The following INPP4B variants were observed in gnomAD, a reference collection of about 807,000 sequenced individuals.
INPP4B encodes inositol polyphosphate-4-phosphatase type II B, also known as inositol polyphosphate 4-phosphatase type II.
A neutral mutation model predicts 122.5 loss-of-function variants in INPP4B; 55 were observed. That is an observed-to-expected ratio of 0.45 (90% CI 0.36 to 0.56). The LOEUF (loss-of-function observed/expected upper bound fraction) is 0.56. Among genes scored for constraint, INPP4B ranks in the 20% least tolerant of loss-of-function variants. INPP4B has a pLI of 0.00. For missense variants in INPP4B, 1,000 were observed against 1,097.7 expected, an observed-to-expected ratio of 0.91 and a Z score of 1.26; for synonymous variants, 403 against 388.7, an observed-to-expected ratio of 1.04 and a Z score of -0.43.
intron 2 of INPP4B, among the ~76,000 whole-genome samples, chr4:142,515,674 G>C (rs2149890773): frequency 6.6e-6 from 1 of 152,290 alleles, no homozygotes; most frequent in Non-Finnish European, 1.5e-5. Flanking sequence ...GTGGGCTTGA[G>C]CCAGAAGGCT....
rs574921378 is a variant in INPP4B, at chr4:142,028,233, T to A, written c.*549A>T. 4.4e-6 allele frequency: 1 copy of A among 227,650 alleles called. No homozygotes were observed. The highest frequency in any genetic ancestry group is 6.3e-5 in the East Asian group (1 of 15,846). 14.1% of individuals were successfully genotyped at this position (227,650 alleles called of 1,614,324 possible). A position where few individuals can be genotyped will look rare whatever the true frequency, so the allele number is the denominator to read the frequency against. On this transcript the variant is annotated 3_prime_UTR_variant, in exon 26 of 26. Transcript: ENST00000262992. ...ACCTTGACTGGATGATAGAGATCAT[T>A]GTGGAACATACCTGCAAACTGCCTC...
intron 25 of INPP4B, among the ~76,000 whole-genome samples, chr4:142,055,443 G>T (rs926558268): frequency 1.3e-5 from 2 of 152,026 alleles, no homozygotes; most frequent in African/African-American, 4.8e-5. Context: ...GCAGGTCATT[G>T]TCAAATAGGG....
chr4:142,555,870 CA>C (rs554216004), intron 2 of INPP4B, among the ~76,000 whole-genome samples: 169 of 125,584 alleles, frequency 1.3e-3, no homozygotes, highest in East Asian at 3.6e-3. Context: ...GACTCTGTCT[CA>C]AAAAAAAAAA....
intron 8 of INPP4B, among the ~76,000 whole-genome samples, chr4:142,312,348 G>A (rs1765830664): frequency 6.6e-6 from 1 of 152,106 alleles, no homozygotes; most frequent in Non-Finnish European, 1.5e-5. Flanking sequence ...TCAGAGATGT[G>A]GCTAATTTCT....
intron 2 of INPP4B, among the ~76,000 whole-genome samples, chr4:142,577,801 G>T (rs1734177188): frequency 6.6e-6 from 1 of 151,846 alleles, no homozygotes; most frequent in South Asian, 2.1e-4. Context: ...CCAATTTTTG[G>T]CTGTTGGTCA....
chr4:142,457,733 G>C (rs1169029167), intron 3 of INPP4B, among the ~76,000 whole-genome samples: 2 of 152,088 alleles, frequency 1.3e-5, no homozygotes, highest in African/African-American at 4.8e-5. Flanking sequence ...TAGTTACTTT[G>C]GGAAAATATC....
intron 2 of INPP4B, among the ~76,000 whole-genome samples, chr4:142,677,787 A>G (rs1356176444): frequency 6.6e-6 from 1 of 152,072 alleles, no homozygotes. Context: ...ATGGGGGTTG[A>G]ACAATGAGAA....
At chr4:142,030,407 A>G in intron 25 of INPP4B, 1 of 905,074 alleles carries the variant, frequency 1.1e-6, no homozygotes, top group Non-Finnish European at 1.6e-6. Flanking sequence ...ATTATCTTAC[A>G]TAACACAACT....
chr4:142,731,222 G>A (rs1225794904), intron 1 of INPP4B, among the ~76,000 whole-genome samples: 1 of 152,080 alleles, frequency 6.6e-6, no homozygotes, highest in Admixed American at 6.6e-5. Flanking sequence ...GGACATGTCA[G>A]ATGGAAAAGA....
intron 2 of INPP4B, among the ~76,000 whole-genome samples, chr4:142,703,766 G>A (rs1280794013): frequency 6.6e-6 from 1 of 152,136 alleles, no homozygotes; most frequent in African/African-American, 2.4e-5. Flanking sequence ...CCAAACTCTG[G>A]AGCATAAAGA....
intron 24 of INPP4B, among the ~76,000 whole-genome samples, chr4:142,085,704 A>G (rs1040110661): frequency 6.6e-6 from 1 of 152,214 alleles, no homozygotes; most frequent in East Asian, 1.9e-4. Context: ...TAAATTAACA[A>G]ACACATTTAT....
chr4:142,545,823 A>ATATATACACACATATATATGTGTG (rs1560782752), intron 2 of INPP4B, among the ~76,000 whole-genome samples: 35 of 59,808 alleles, frequency 5.9e-4, no homozygotes, highest in African/African-American at 1.5e-3. Flanking sequence ...ACATGTGTGT[A>ATATATACACACATATATATGTGTG]TATATATATA....
At chr4:142,245,873 CATATATATGTGTATGTAT>C in intron 11 of INPP4B, among the ~76,000 whole-genome samples, 1 of 27,148 alleles carries the variant, frequency 3.7e-5, no homozygotes, top group Admixed American at 4.3e-4. Context: ...TGTATGTATA[CATATATATGTGTATGTAT>C]ACATATATGT....
At chr4:142,156,890 AGTT>A (rs1376033485) in intron 17 of INPP4B, among the ~76,000 whole-genome samples, 2 of 152,134 alleles carry the variant, frequency 1.3e-5, no homozygotes, top group Non-Finnish European at 2.9e-5. Context: ...AGCTAAATAC[AGTT>A]GTTCAAGTCA....
In INPP4B at chr4:142,109,585, A is replaced by C. The variant is rs147727613; in HGVS notation, c.2277-1395T>G. Among the ~76,000 whole-genome samples the C allele has an allele frequency of 3.3e-3, 501 of 152,220 alleles. 3 individuals are homozygous for C. Among genetic ancestry groups the C allele is most frequent in the African/African-American group, 0.011 (470 of 41,554 alleles). On this transcript the variant is annotated intron_variant, in intron 22 of 25. Coordinates refer to ENST00000262992, the MANE Select transcript of INPP4B (RefSeq NM_001101669.3). ...ATGCCTTTGGGACTTTTAACATTCT[A>C]TCCACTCTTGACTTGAATGTCTTAC...
At chr4:142,347,330 G>C (rs1284902041) in intron 7 of INPP4B, 1 of 194,214 alleles carries the variant, frequency 5.1e-6, no homozygotes, top group African/African-American at 2.4e-5. Flanking sequence ...AAAAGTCTGA[G>C]GAGTGAGTTT....
intron 2 of INPP4B, among the ~76,000 whole-genome samples, chr4:142,606,157 CAG>C (rs910071051): frequency 4.0e-5 from 6 of 151,810 alleles, no homozygotes; most frequent in African/African-American, 1.4e-4. Flanking sequence ...GAAAGACAAA[CAG>C]TGTGTATTCT....
At chr4:142,259,670 T>G (rs1738693408) in intron 11 of INPP4B, among the ~76,000 whole-genome samples, 1 of 151,916 alleles carries the variant, frequency 6.6e-6, no homozygotes, top group Non-Finnish European at 1.5e-5. Context: ...TCTTAACTTT[T>G]TGACACTTTT....
In INPP4B at chr4:142,431,278, T is replaced by C; in HGVS notation, c.-19A>G. ...TTTCCATGATCAACCTTCACAGTTT[T>C]AAAATTTTCCAAATTTTCTTGTCCA... is the stretch of plus-strand genomic sequence containing the variant. On this transcript the variant is annotated 5_prime_UTR_variant, in exon 4 of 26. Coordinates refer to ENST00000262992, the MANE Select transcript of INPP4B (RefSeq NM_001101669.3). 1 of 1,602,984 alleles carries C rather than the reference T, an allele frequency of 6.2e-7. No homozygotes were observed. The highest frequency in any genetic ancestry group is 8.5e-7 in the Non-Finnish European group (1 of 1,170,356).
Sources: allele counts gnomAD v4.1 joint callset (sites outside exome capture counted in the v4.1 genomes callset), GRCh38; gene constraint gnomAD v4.1.1; transcripts MANE v1.5; gene names NCBI Gene and HGNC (gene_info 2026-07-23, HGNC 2026-07-21).